The following HCN1 variants were observed in gnomAD, a reference collection of about 807,000 sequenced individuals.
HCN1 encodes the protein potassium/sodium hyperpolarization-activated cyclic nucleotide-gated channel 1.
HCN1 carries 13 observed loss-of-function variants against 78.9 expected under a neutral mutation model. The ratio of observed to expected loss-of-function variants is 0.16; its 90% CI spans 0.11 to 0.26. The LOEUF is 0.26. Ranked by LOEUF, HCN1 falls within the 10% of genes least tolerant of loss-of-function variation. The probability of loss-of-function intolerance (pLI) is 1.00; values close to 1 mark genes in which losing one functional copy is unlikely to be tolerated. For missense variants in HCN1, 810 were observed against 1,154.3 expected (o/e 0.70, Z 4.32); for synonymous variants, 552 against 455.5 (o/e 1.21, Z -2.70).
At chr5:45,405,557 AC>A (rs1484027700) in intron 3 of HCN1, among the ~76,000 whole-genome samples, 1 of 152,104 alleles carries the variant, frequency 6.6e-6, no homozygotes. Flanking sequence ...ATACACGTGC[AC>A]CAACATGACC....
chr5:45,560,033 T>C (rs1042060786), intron 2 of HCN1: 1 of 152,140 alleles, frequency 6.6e-6, no homozygotes, highest in African/African-American at 2.4e-5. Context: ...CAATAAAGAA[T>C]TTTTTAATTA....
At chr5:45,317,734 C>T (rs1468910496) in intron 5 of HCN1, among the ~76,000 whole-genome samples, 14 of 151,968 alleles carry the variant, frequency 9.2e-5, no homozygotes, top group Admixed American at 9.2e-4. Flanking sequence ...AACAAACAAC[C>T]CCATCAAAAA....
intron 6 of HCN1, among the ~76,000 whole-genome samples, chr5:45,275,119 G>A (rs980892863): frequency 7.2e-5 from 11 of 151,884 alleles, no homozygotes; most frequent in South Asian, 2.1e-4. Context: ...GTTGGCAGGC[G>A]CCTGAAACTC....
chr5:45,497,677 T>C (rs149205734), intron 2 of HCN1, among the ~76,000 whole-genome samples: 358 of 152,290 alleles, frequency 2.4e-3, no homozygotes, highest in African/African-American at 8.1e-3. Context: ...CTGTGTCTTT[T>C]AATTGGAGCA....
intron 5 of HCN1, among the ~76,000 whole-genome samples, chr5:45,317,781 A>C (rs1434397208): frequency 6.6e-6 from 1 of 152,208 alleles, no homozygotes; most frequent in Non-Finnish European, 1.5e-5. Flanking sequence ...TCTCAAAAGA[A>C]GACATTTATG....
chr5:45,628,018 C>T (rs529829648), intron 2 of HCN1, among the ~76,000 whole-genome samples: 28 of 152,196 alleles, frequency 1.8e-4, no homozygotes, highest in East Asian at 9.6e-4. Context: ...AAAGCATAGA[C>T]GCAAATAAAT....
At chr5:45,457,387 G>A (rs2111614686) in intron 3 of HCN1, among the ~76,000 whole-genome samples, 1 of 152,156 alleles carries the variant, frequency 6.6e-6, no homozygotes, top group East Asian at 1.9e-4. Context: ...GCCACAAAAT[G>A]TCATGGGAAT....
chr5:45,621,580 A>T (rs539537256), intron 2 of HCN1, among the ~76,000 whole-genome samples: 7 of 152,332 alleles, frequency 4.6e-5, no homozygotes, highest in Non-Finnish European at 8.8e-5. Context: ...ATGAACCCAA[A>T]AACATGAGGA....
Position 45,443,671 on chromosome 5 carries a change from T to C in HCN1, c.1011+18175A>G, listed in dbSNP as rs189121945. Among the ~76,000 whole-genome samples, 707 of 152,220 alleles carry C rather than the reference T, an allele frequency of 4.6e-3. 1 individual carries two copies. Among genetic ancestry groups the C allele is most frequent in the Middle Eastern group, 6.8e-3 (2 of 294 alleles). On this transcript the variant is annotated intron_variant, in intron 3 of 7. Transcript: ENST00000303230. ...CAACACATTTATGTTAGGGCTGACA[T>C]TACTTTTGGTGAATTGTGAAATATG...
intron 5 of HCN1, among the ~76,000 whole-genome samples, chr5:45,312,120 A>G (rs1020155831): frequency 3.3e-5 from 5 of 152,204 alleles, no homozygotes; most frequent in Admixed American, 3.3e-4. Context: ...AACCAAATGG[A>G]ATGGTTGTTT....
At chr5:45,392,147 C>T (rs1287644632) in intron 4 of HCN1, among the ~76,000 whole-genome samples, 1 of 152,094 alleles carries the variant, frequency 6.6e-6, no homozygotes, top group Non-Finnish European at 1.5e-5. Context: ...GAAATAAACT[C>T]TATTGCAAAT....
At chr5:45,493,432 T>A (rs1741940104) in intron 2 of HCN1, among the ~76,000 whole-genome samples, 1 of 152,122 alleles carries the variant, frequency 6.6e-6, no homozygotes, top group African/African-American at 2.4e-5. Context: ...GTTTTATATA[T>A]TCCTTTTACA....
intron 4 of HCN1, among the ~76,000 whole-genome samples, chr5:45,357,207 C>T (rs939001885): frequency 6.6e-6 from 1 of 152,008 alleles, no homozygotes; most frequent in African/African-American, 2.4e-5. Flanking sequence ...AAGTAAACGA[C>T]TAAGAAAGAT....
At chr5:45,638,527 G>A (rs2580260) in intron 2 of HCN1, among the ~76,000 whole-genome samples, 75,750 of 152,008 alleles carry the variant, frequency 0.5, 20,114 homozygotes, top group African/African-American at 0.68. Context: ...GCCACGGGGC[G>A]CTGACCAAAG....
intron 4 of HCN1, among the ~76,000 whole-genome samples, chr5:45,375,074 T>A (rs1284636967): frequency 2.5e-5 from 3 of 118,638 alleles, no homozygotes; most frequent in Middle Eastern, 3.7e-3. Context: ...ATATAATATA[T>A]TATATATAAT....
intron 3 of HCN1, among the ~76,000 whole-genome samples, chr5:45,409,566 C>A (rs1289298057): frequency 6.6e-6 from 1 of 151,986 alleles, no homozygotes; most frequent in Non-Finnish European, 1.5e-5. Context: ...ACCCTTAACA[C>A]TTAACATGTC....
At chr5:45,675,287 T>C (rs1746247583) in intron 1 of HCN1, among the ~76,000 whole-genome samples, 1 of 151,764 alleles carries the variant, frequency 6.6e-6, no homozygotes, top group African/African-American at 2.4e-5. Flanking sequence ...CTTTCTCTCA[T>C]TCTGTCTGCT....
intron 2 of HCN1, among the ~76,000 whole-genome samples, chr5:45,630,429 A>C (rs1338306565): frequency 6.6e-6 from 1 of 152,222 alleles, no homozygotes; most frequent in African/African-American, 2.4e-5. Flanking sequence ...ATGGGGCCTA[A>C]TCAAATTAAT....
At chr5:45,508,069 A>T (rs1579938765) in intron 2 of HCN1, among the ~76,000 whole-genome samples, 1 of 152,264 alleles carries the variant, frequency 6.6e-6, no homozygotes, top group African/African-American at 2.4e-5. Flanking sequence ...AAACAAAAGC[A>T]CTGAAAATTA....
Sources: allele counts gnomAD v4.1 joint callset (sites outside exome capture counted in the v4.1 genomes callset), GRCh38; gene constraint gnomAD v4.1.1; transcripts MANE v1.5; gene names NCBI Gene and HGNC (gene_info 2026-07-23, HGNC 2026-07-21).